Variants in FRYL observed in about 807,000 individuals in gnomAD.
FRYL encodes protein furry homolog-like.
A neutral mutation model predicts 351.2 loss-of-function variants in FRYL; 150 were observed. The observed-to-expected ratio is 0.43, with a 90% CI of 0.37 to 0.49. FRYL has a LOEUF of 0.49. Ranked by LOEUF, FRYL falls within the 20% of genes least tolerant of loss-of-function variation. The pLI, the probability that FRYL is intolerant of heterozygous loss-of-function variation, is 0.00. For synonymous variants in FRYL, 1,153 were observed against 1,257.1 expected, an observed-to-expected ratio of 0.92 and a Z score of 1.75; for missense variants, 3,036 against 3,619.3, an observed-to-expected ratio of 0.84 and a Z score of 4.13.
In FRYL at chr4:48,513,481, C is replaced by T. The variant is rs112489038; in HGVS notation, c.7938-793G>A. On this transcript the variant is annotated intron_variant, in intron 56 of 63. Transcript: ENST00000358350. ...AAGATGAAGATGTATTTGGGTTGGA[C>T]ATTCTACAACTCTCAGCCAAAAAAA... 2.6e-5 allele frequency among the ~76,000 whole-genome samples: 4 copies of T among 152,172 alleles called. No individual in the cohort carries two copies. The East Asian group carries it at 7.7e-4, about 29-fold the overall frequency.
intron 2 of FRYL, among the ~76,000 whole-genome samples, chr4:48,700,834 T>C (rs1766646347): frequency 6.6e-6 from 1 of 151,728 alleles, no homozygotes; most frequent in Non-Finnish European, 1.5e-5. Context: ...AAAAAAACTT[T>C]CATCACTCCA....
chr4:48,556,372 G>C (rs1461538504), intron 35 of FRYL, among the ~76,000 whole-genome samples: 1 of 152,230 alleles, frequency 6.6e-6, no homozygotes, highest in Non-Finnish European at 1.5e-5. Flanking sequence ...GACTTGGGCA[G>C]ATCTGGATGT....
chr4:48,710,408 T>C, intron 2 of FRYL, 111 bp downstream of exon 2: 1 of 367,372 alleles, frequency 2.7e-6, no homozygotes, highest in African/African-American at 2.2e-5. Flanking sequence ...AAATCTGATG[T>C]TTTTGCCACT....
At chr4:48,599,308 T>C (rs1451973685) in intron 13 of FRYL, among the ~76,000 whole-genome samples, 1 of 152,178 alleles carries the variant, frequency 6.6e-6, no homozygotes, top group Non-Finnish European at 1.5e-5. Context: ...TTGATATAGA[T>C]ATAGGAATGG....
intron 3 of FRYL, among the ~76,000 whole-genome samples, chr4:48,652,493 T>C (rs889286619): frequency 3.9e-5 from 6 of 152,226 alleles, no homozygotes; most frequent in African/African-American, 1.2e-4. Flanking sequence ...ATATTTTAAC[T>C]ATGTATATTC....
At chr4:48,511,185 A>AAT (rs1205338533) in intron 57 of FRYL, among the ~76,000 whole-genome samples, 2 of 152,202 alleles carry the variant, frequency 1.3e-5, no homozygotes, top group African/African-American at 4.8e-5. Flanking sequence ...AAATTTACAA[A>AAT]ATAGTATTAC....
intron 58 of FRYL, 60 bp downstream of exon 58, chr4:48,510,775 C>T (rs1173671361): frequency 7.7e-7 from 1 of 1,291,872 alleles, no homozygotes; most frequent in Non-Finnish European, 1.1e-6. Context: ...GAAAAAAAGA[C>T]TTACTGAATG....
At chr4:48,563,009 TTAAG>T in intron 31 of FRYL, 21 bp from the exon 32 acceptor site, 1 of 1,396,190 alleles carries the variant, frequency 7.2e-7, no homozygotes, top group Non-Finnish European at 1.0e-6. Context: ...ATTTTACATA[TTAAG>T]TAAATAACAA....
At chr4:48,669,341 C>A (rs1395291165) in intron 3 of FRYL, among the ~76,000 whole-genome samples, 1 of 152,026 alleles carries the variant, frequency 6.6e-6, no homozygotes, top group Non-Finnish European at 1.5e-5. Context: ...GTGTGCCTCA[C>A]CCTTTAGTTT....
intron 1 of FRYL, among the ~76,000 whole-genome samples, chr4:48,728,897 C>G (rs1004394103): frequency 6.6e-6 from 1 of 152,212 alleles, no homozygotes; most frequent in Non-Finnish European, 1.5e-5. Flanking sequence ...CCACGGAGGG[C>G]AAGCCGAAGC....
intron 3 of FRYL, among the ~76,000 whole-genome samples, chr4:48,667,663 T>C (rs1181951170): frequency 6.6e-5 from 10 of 152,178 alleles, no homozygotes. Context: ...TTCTTTTTTT[T>C]TGGAGACAGG....
chr4:48,655,792 C>A (rs193172200), intron 3 of FRYL, among the ~76,000 whole-genome samples: 4 of 142,244 alleles, frequency 2.8e-5, no homozygotes, highest in African/African-American at 1.0e-4. Flanking sequence ...ATTATATAAT[C>A]ATATATAATG....
At position 48,547,786 on chromosome 4, in the gene FRYL, A is replaced by G. The variant is rs200485990; in HGVS notation, c.4889-17T>C. The G allele has an allele frequency of 1.4e-6, 2 of 1,398,702 alleles. No individual in the cohort carries two copies. Among genetic ancestry groups the G allele is most frequent in the Non-Finnish European group, 1.9e-6 (2 of 1,055,954 alleles). 86.6% of individuals were successfully genotyped at this position (1,398,702 alleles called of 1,614,324 possible). ...GGTCAAACCCTAAAAAGGATAGTAG[A>G]GAAACATTATCAATAAAGAGAAATA... On this transcript the variant is annotated splice_polypyrimidine_tract_variant and intron_variant, in intron 40 of 63. Transcript: ENST00000358350.
intron 2 of FRYL, among the ~76,000 whole-genome samples, chr4:48,693,197 A>AT (rs1377507783): frequency 6.6e-6 from 1 of 152,132 alleles, no homozygotes; most frequent in Non-Finnish European, 1.5e-5. Context: ...CACTTACTCC[A>AT]TTTAAGCTAT....
intron 53 of FRYL, among the ~76,000 whole-genome samples, chr4:48,525,529 A>C (rs1725934085): frequency 1.3e-5 from 2 of 152,206 alleles, no homozygotes; most frequent in South Asian, 4.1e-4. Context: ...GGGAGAGTGC[A>C]TTACATTTCA....
intron 40 of FRYL, 113 bp downstream of exon 40, chr4:48,548,577 A>G: frequency 1.5e-6 from 1 of 659,484 alleles, no homozygotes; most frequent in Non-Finnish European, 2.7e-6. Flanking sequence ...TGTCATGGAA[A>G]TAACATAAAA....
intron 4 of FRYL, among the ~76,000 whole-genome samples, chr4:48,624,399 T>C (rs757282722): frequency 1.3e-4 from 20 of 152,148 alleles, no homozygotes; most frequent in Non-Finnish European, 2.8e-4. Context: ...GGGGGCATAA[T>C]AGATACTAAA....
In FRYL at chr4:48,763,106, TA is replaced by T. The variant is rs10683757; in HGVS notation, c.-384+16971del. ...AATATTTTATATTTGTACAGATCTGTAAAAAAAAAAAAAAAAAAAAAAAGAT... is the reference window on the plus strand; with the variant it reads ...AATATTTTATATTTGTACAGATCTGTAAAAAAAAAAAAAAAAAAAAAAGAT... On this transcript the variant is annotated intron_variant, in intron 1 of 63. Coordinates refer to ENST00000358350, the MANE Select transcript of FRYL (RefSeq NM_015030.2). Among the ~76,000 whole-genome samples, 314 of 91,536 alleles carry T rather than the reference TA, an allele frequency of 3.4e-3. 1 individual carries two copies. Among genetic ancestry groups the T allele is most frequent in the African/African-American group, 0.012 (295 of 24,432 alleles). 60.1% of individuals were successfully genotyped at this position (91,536 alleles called of 152,430 possible).
intron 1 of FRYL, among the ~76,000 whole-genome samples, chr4:48,734,042 T>C (rs1226898098): frequency 6.6e-6 from 1 of 152,132 alleles, no homozygotes; most frequent in Non-Finnish European, 1.5e-5. Context: ...ACAAATATTG[T>C]AGATATTAAA....
Sources: gnomAD v4.1 joint callset for allele counts (sites outside exome capture counted in the v4.1 genomes callset) on GRCh38, gnomAD v4.1.1 for gene constraint, MANE v1.5 for transcripts, NCBI Gene and HGNC (gene_info 2026-07-23, HGNC 2026-07-21) for gene names.